Variants in SAMSN1 observed in about 807,000 individuals in gnomAD.
The protein encoded by SAMSN1 is SAM domain, SH3 domain and nuclear localization signals 1, also known as SAM domain-containing protein SAMSN-1.
A neutral mutation model predicts 42.0 loss-of-function variants in SAMSN1; 31 were observed. The observed-to-expected ratio is 0.74, with a 90% CI of 0.55 to 1.00. SAMSN1 has a LOEUF of 1.00. Among genes scored for constraint, SAMSN1 ranks in the 50% least tolerant of loss-of-function variants. The probability of loss-of-function intolerance (pLI) is 0.00; values close to 1 mark genes in which losing one functional copy is unlikely to be tolerated. For synonymous variants in SAMSN1, 178 were observed against 151.9 expected (o/e 1.17, Z -1.26); for missense variants, 464 against 439.4 (o/e 1.06, Z -0.50).
chr21:14,505,519 A>T (rs189530057), intron 5 of SAMSN1, among the ~76,000 whole-genome samples: 60 of 152,350 alleles, frequency 3.9e-4, no homozygotes, highest in Non-Finnish European at 5.9e-5. Context: ...TTATACAATG[A>T]TAAAAGGCCT....
intron 2 of SAMSN1, among the ~76,000 whole-genome samples, chr21:14,636,928 G>A (rs774879882): frequency 6.6e-6 from 1 of 152,150 alleles, no homozygotes; most frequent in Non-Finnish European, 1.5e-5. Flanking sequence ...TTTAACATCT[G>A]TGCTCTTTCA....
intron 7 of SAMSN1, chr21:14,592,649 A>G (rs1228573046): frequency 2.5e-6 from 1 of 397,966 alleles, no homozygotes; most frequent in East Asian, 8.0e-5. Context: ...CCTTAGAAAA[A>G]TATCAAGGAA....
intron 2 of SAMSN1, among the ~76,000 whole-genome samples, chr21:14,627,268 A>G (rs1239134403): frequency 2.9e-5 from 1 of 34,258 alleles, no homozygotes; most frequent in Non-Finnish European, 5.5e-5. Flanking sequence ...CTAGAACTTA[A>G]AGTATAATGA....
chr21:14,561,013 T>C (rs1980931484), intron 2 of SAMSN1, among the ~76,000 whole-genome samples: 1 of 152,170 alleles, frequency 6.6e-6, no homozygotes, highest in Non-Finnish European at 1.5e-5. Flanking sequence ...ACTGATAAGA[T>C]AGACACAGTT....
At chr21:14,555,242 C>A (rs1240986920) in intron 2 of SAMSN1, among the ~76,000 whole-genome samples, 1 of 152,174 alleles carries the variant, frequency 6.6e-6, no homozygotes, top group African/African-American at 2.4e-5. Context: ...TCTCCATTCA[C>A]CTTTTATTAT....
At chr21:14,658,856 GCC>G, upstream of SAMSN1, 1 of 708,494 alleles carries the variant, frequency 1.4e-6, no homozygotes, top group East Asian at 2.7e-5. Flanking sequence ...CAGCTGTTTG[GCC>G]AGTTCTCATG....
upstream of SAMSN1, chr21:14,546,346 A>G (rs1040488420): frequency 6.3e-7 from 1 of 1,575,878 alleles, no homozygotes; most frequent in African/African-American, 1.4e-5. Flanking sequence ...TGTCTAATGC[A>G]CAGCATCAGA....
At chr21:14,646,593 A>G (rs1334615813) in intron 1 of SAMSN1, among the ~76,000 whole-genome samples, 1 of 152,182 alleles carries the variant, frequency 6.6e-6, no homozygotes, top group Non-Finnish European at 1.5e-5. Context: ...CTCACTGGTA[A>G]TAGTAAGTAC....
chr21:14,599,884 AT>A (rs956767307), intron 6 of SAMSN1, among the ~76,000 whole-genome samples: 1 of 151,998 alleles, frequency 6.6e-6, no homozygotes, highest in Non-Finnish European at 1.5e-5. Context: ...TTGTTTCTTT[AT>A]TTTGTGTTGT....
intron 6 of SAMSN1, 51 bp downstream of exon 6, chr21:14,500,478 G>GTGTT: frequency 6.8e-7 from 1 of 1,466,948 alleles, no homozygotes; most frequent in Non-Finnish European, 9.5e-7. Context: ...ACTCCCTTCG[G>GTGTT]TGTTTCCATT....
chr21:14,586,089 C>G (rs893400481), upstream of SAMSN1, among the ~76,000 whole-genome samples: 8 of 151,190 alleles, frequency 5.3e-5, no homozygotes, highest in Non-Finnish European at 1.2e-4. Flanking sequence ...ATGGTGAAAC[C>G]CTGTTTCTAC....
At chr21:14,495,225 A>G (rs766109247) in intron 7 of SAMSN1, among the ~76,000 whole-genome samples, 1 of 152,226 alleles carries the variant, frequency 6.6e-6, no homozygotes, top group Non-Finnish European at 1.5e-5. Flanking sequence ...CATTCAAGGT[A>G]CAGGAAGGTT....
At chr21:14,539,887 C>T (rs1360722069) in intron 1 of SAMSN1, among the ~76,000 whole-genome samples, 4 of 152,194 alleles carry the variant, frequency 2.6e-5, no homozygotes, top group African/African-American at 9.7e-5. Flanking sequence ...TACCTGACTT[C>T]AAACTATACT....
chr21:14,493,723 T>C (rs754141798), intron 7 of SAMSN1, among the ~76,000 whole-genome samples: 1 of 152,152 alleles, frequency 6.6e-6, no homozygotes, highest in African/African-American at 2.4e-5. Flanking sequence ...AATAAACAGA[T>C]CCTGCTCTCT....
intron 2 of SAMSN1, among the ~76,000 whole-genome samples, chr21:14,556,446 A>G (rs937667444): frequency 6.6e-6 from 1 of 152,196 alleles, no homozygotes; most frequent in African/African-American, 2.4e-5. Flanking sequence ...TCCTATGTAT[A>G]TTACATAAAT....
chr21:14,560,832 G>A (rs1023750577), intron 2 of SAMSN1, among the ~76,000 whole-genome samples: 1 of 152,176 alleles, frequency 6.6e-6, no homozygotes, highest in Non-Finnish European at 1.5e-5. Flanking sequence ...ACGCTATTGA[G>A]CATAGTATAT....
intron 2 of SAMSN1, among the ~76,000 whole-genome samples, chr21:14,624,100 C>T (rs1983096814): frequency 6.6e-6 from 1 of 152,108 alleles, no homozygotes; most frequent in South Asian, 2.1e-4. Context: ...CACAACATAC[C>T]AGAATCTCTG....
intron 2 of SAMSN1, among the ~76,000 whole-genome samples, chr21:14,553,328 G>A (rs1019968089): frequency 6.6e-6 from 1 of 151,786 alleles, no homozygotes; most frequent in African/African-American, 2.4e-5. Context: ...CTTTTTATAT[G>A]ATTGGTTCTC....
chr21:14,594,600 T>C (rs1982201103), intron 6 of SAMSN1: 1 of 152,308 alleles, frequency 6.6e-6, no homozygotes, highest in African/African-American at 2.4e-5. Flanking sequence ...ATGTCTTTTA[T>C]TACATTTGGT....
Sources: gnomAD v4.1 joint callset for allele counts (sites outside exome capture counted in the v4.1 genomes callset) on GRCh38, gnomAD v4.1.1 for gene constraint, MANE v1.5 for transcripts, NCBI Gene and HGNC (gene_info 2026-07-23, HGNC 2026-07-21) for gene names.